RNGTT: variants seen among roughly 807,000 people sequenced by gnomAD.
The protein encoded by RNGTT is RNA guanylyltransferase and 5'-phosphatase, also known as mRNA-capping enzyme.
Under a neutral mutation model 79.3 loss-of-function variants are expected in RNGTT, and 33 were observed. The observed-to-expected ratio is 0.42, with a 90% CI of 0.32 to 0.56. The LOEUF (loss-of-function observed/expected upper bound fraction) is 0.56. Among genes scored for constraint, RNGTT ranks in the 20% least tolerant of loss-of-function variants. The pLI is 0.17. For synonymous variants in RNGTT, 222 were observed against 235.9 expected (o/e 0.94, Z 0.54); for missense variants, 497 against 739.1 (o/e 0.67, Z 3.80).
At chr6:88,675,709 A>AG (rs1382139592) in intron 14 of RNGTT, among the ~76,000 whole-genome samples, 2 of 151,924 alleles carry the variant, frequency 1.3e-5, no homozygotes, top group Admixed American at 6.6e-5. Context: ...TGAAAAGAAA[A>AG]AAAAAACAAT....
At chr6:88,764,560 G>T (rs1232859872) in intron 13 of RNGTT, among the ~76,000 whole-genome samples, 1 of 152,138 alleles carries the variant, frequency 6.6e-6, no homozygotes, top group East Asian at 1.9e-4. Context: ...AATATTTCCA[G>T]TTTCTCACTA....
At chr6:88,948,601 C>T (rs1785116434) in intron 1 of RNGTT, among the ~76,000 whole-genome samples, 2 of 146,736 alleles carry the variant, frequency 1.4e-5, no homozygotes, top group South Asian at 4.4e-4. Flanking sequence ...ACCACCCCGT[C>T]TGGGAGGTGT....
At chr6:88,823,244 AACATGGTGAAAC>A (rs1780551280) in intron 11 of RNGTT, among the ~76,000 whole-genome samples, 1 of 152,116 alleles carries the variant, frequency 6.6e-6, no homozygotes, top group African/African-American at 2.4e-5. Context: ...CTGACTGAAC[AACATGGTGAAAC>A]CCCGTCTCTA....
At position 88,963,437 on chromosome 6, in the gene RNGTT, C is replaced by T; in HGVS notation, c.-28G>A. On this transcript the variant is annotated 5_prime_UTR_variant, in exon 1 of 16. Coordinates refer to ENST00000369485, the MANE Select transcript of RNGTT (RefSeq NM_003800.5). Reference sequence around the variant, plus strand: ...CTTGGGGCTGCGCAGAGCTGCCCTCCCTCACCAACGTTCACCGCGCCTTTG... The same window carrying T: ...CTTGGGGCTGCGCAGAGCTGCCCTCTCTCACCAACGTTCACCGCGCCTTTG... The T allele has an allele frequency of 6.5e-7, 1 of 1,537,314 alleles. No individual in the cohort carries two copies. The highest frequency in any genetic ancestry group is 8.8e-7 in the Non-Finnish European group (1 of 1,137,922).
chr6:88,634,008 T>A (rs1406161680), intron 14 of RNGTT, among the ~76,000 whole-genome samples: 4 of 152,168 alleles, frequency 2.6e-5, no homozygotes, highest in Admixed American at 2.6e-4. Context: ...AATTTTCTGC[T>A]TCCTAAAATA....
chr6:88,664,568 CT>C (rs1474471575), intron 14 of RNGTT, among the ~76,000 whole-genome samples: 2 of 152,192 alleles, frequency 1.3e-5, no homozygotes, highest in African/African-American at 4.8e-5. Flanking sequence ...AGGGGTCCCC[CT>C]GAAAGGACAA....
intron 4 of RNGTT, among the ~76,000 whole-genome samples, chr6:88,926,606 G>A (rs9362590): frequency 0.04 from 6,074 of 152,126 alleles, 179 homozygotes; most frequent in African/African-American, 0.074. Flanking sequence ...AAAATTCCTT[G>A]GTGTTTTGTA....
intron 13 of RNGTT, among the ~76,000 whole-genome samples, chr6:88,737,978 T>C (rs182642863): frequency 3.9e-5 from 6 of 152,258 alleles, no homozygotes; most frequent in Admixed American, 6.5e-5. Context: ...AGGCTTCACA[T>C]AGTGATTTCC....
chr6:88,819,946 C>T (rs918214863), intron 11 of RNGTT, among the ~76,000 whole-genome samples: 4 of 152,114 alleles, frequency 2.6e-5, no homozygotes, highest in African/African-American at 9.7e-5. Context: ...CACGAACATT[C>T]TCAAAACCCT....
In RNGTT at chr6:88,880,643, T is replaced by G. The variant is rs560311451; in HGVS notation, c.896+9852A>C. ...TCGAGCATAATCTGAGTTATTATCT[T>G]TTACTTTACTATTTGTTTTACAACA... On this transcript the variant is annotated intron_variant, in intron 8 of 15. Coordinates refer to ENST00000369485, the MANE Select transcript of RNGTT (RefSeq NM_003800.5). Among the ~76,000 whole-genome samples, 8 of 152,300 alleles carry G rather than the reference T, an allele frequency of 5.3e-5. No individual in the cohort carries two copies. In the East Asian group the frequency reaches 1.2e-3, roughly 22 times the overall value.
intron 8 of RNGTT, among the ~76,000 whole-genome samples, chr6:88,876,778 CAT>C (rs887549749): frequency 6.6e-6 from 1 of 152,196 alleles, no homozygotes; most frequent in African/African-American, 2.4e-5. Flanking sequence ...CAAAGCTTCA[CAT>C]GTTTGCTGCC....
chr6:88,838,631 T>C (rs1781161391), intron 11 of RNGTT, among the ~76,000 whole-genome samples: 1 of 152,092 alleles, frequency 6.6e-6, no homozygotes, highest in South Asian at 2.1e-4. Context: ...AAAGAAAATA[T>C]ATGCCAGGTT....
intron 11 of RNGTT, among the ~76,000 whole-genome samples, chr6:88,825,495 T>A (rs1365080140): frequency 1.3e-5 from 2 of 152,332 alleles, no homozygotes; most frequent in African/African-American, 4.8e-5. Flanking sequence ...GGTAGCATTC[T>A]AAACATCTAA....
Position 88,697,999 on chromosome 6 carries a change from CAT to C in RNGTT, c.1440-19582_1440-19581del, listed in dbSNP as rs1227283880. Among the ~76,000 whole-genome samples the C allele has an allele frequency of 6.4e-4, 36 of 56,656 alleles. 4 individuals carry two copies. The highest frequency in any genetic ancestry group is 2.4e-3 in the East Asian group (6 of 2,550). 37.2% of individuals were successfully genotyped at this position (56,656 alleles called of 152,430 possible). A position where few individuals can be genotyped will look rare whatever the true frequency, so the allele number is the denominator to read the frequency against. Reference sequence around the variant, plus strand: ...ATATATATGATATATATATGAAATACATATATGATATATATATGAAATACATA... The same window carrying C: ...ATATATATGATATATATATGAAATACATATGATATATATATGAAATACATA... On this transcript the variant is annotated intron_variant, in intron 13 of 15. Coordinates refer to ENST00000369485, the MANE Select transcript of RNGTT (RefSeq NM_003800.5).
At chr6:88,739,725 TTATATATATATATA>T (rs367967175) in intron 13 of RNGTT, among the ~76,000 whole-genome samples, 2,742 of 93,714 alleles carry the variant, frequency 0.029, 60 homozygotes, top group Middle Eastern at 0.034. Flanking sequence ...GTGAAAAAAA[TTATATATATATATA>T]TATATATATA....
At chr6:88,725,190 G>A (rs1404453534) in intron 13 of RNGTT, among the ~76,000 whole-genome samples, 2 of 152,212 alleles carry the variant, frequency 1.3e-5, no homozygotes, top group Admixed American at 1.3e-4. Flanking sequence ...GTGAGGAGGC[G>A]TGGCCCGCCC....
intron 8 of RNGTT, among the ~76,000 whole-genome samples, chr6:88,856,908 G>A (rs2127910433): frequency 6.6e-6 from 1 of 152,086 alleles, no homozygotes; most frequent in Non-Finnish European, 1.5e-5. Flanking sequence ...TTATTAATTA[G>A]GAAATTATCT....
In RNGTT at chr6:88,800,921, G is replaced by A. The variant is rs1378822575; in HGVS notation, c.1338+643C>T. On this transcript the variant is annotated intron_variant, in intron 12 of 15. Coordinates refer to ENST00000369485, the MANE Select transcript of RNGTT (RefSeq NM_003800.5). ...CTAGTGAGTAGAGACCACAGATGCT[G>A]CTAAACATCCTACCATGCACAAGAC... Among the ~76,000 whole-genome samples the A allele has an allele frequency of 2.0e-5, 3 of 152,176 alleles. No individual in the cohort carries two copies. The East Asian group carries it at 5.8e-4, about 29-fold the overall frequency.
intron 4 of RNGTT, among the ~76,000 whole-genome samples, chr6:88,923,384 T>A (rs752211699): frequency 3.9e-5 from 6 of 152,202 alleles, no homozygotes; most frequent in Non-Finnish European, 7.3e-5. Flanking sequence ...GAAACACTTT[T>A]AAGGATCTTG....
Sources: allele counts gnomAD v4.1 joint callset (sites outside exome capture counted in the v4.1 genomes callset), GRCh38; gene constraint gnomAD v4.1.1; transcripts MANE v1.5; gene names NCBI Gene and HGNC (gene_info 2026-07-23, HGNC 2026-07-21).